SEZ6: variants seen among roughly 807,000 people sequenced by gnomAD.
SEZ6 encodes the protein seizure protein 6 homolog.
A neutral mutation model predicts 101.0 loss-of-function variants in SEZ6; 53 were observed. That is an observed-to-expected ratio of 0.52 (90% CI 0.42 to 0.66). SEZ6 has a LOEUF of 0.66. SEZ6 is among the 30% of genes least tolerant of loss of function. The pLI, the probability that SEZ6 is intolerant of heterozygous loss-of-function variation, is 0.00. For missense variants in SEZ6, 1,102 were observed against 1,289.4 expected, an observed-to-expected ratio of 0.85 and a Z score of 2.23; for synonymous variants, 488 against 512.2, an observed-to-expected ratio of 0.95 and a Z score of 0.64.
intron 1 of SEZ6, among the ~76,000 whole-genome samples, chr17:28,985,989 T>C (rs1016206970): frequency 6.6e-6 from 1 of 152,014 alleles, no homozygotes; most frequent in Admixed American, 6.5e-5. Flanking sequence ...GTGGGCTGGG[T>C]CCGGGAAACA....
chr17:28,957,647 T>TA (rs2152683045), intron 11 of SEZ6, 108 bp from the exon 12 acceptor site: 4 of 1,202,904 alleles, frequency 3.3e-6, no homozygotes, highest in African/African-American at 3.0e-5. Context: ...CGTATGGGTC[T>TA]ACCCCCTACG....
At chr17:28,997,910 C>A (rs987746764) in intron 1 of SEZ6, among the ~76,000 whole-genome samples, 5 of 152,094 alleles carry the variant, frequency 3.3e-5, no homozygotes, top group African/African-American at 9.7e-5. Flanking sequence ...AGGACTCCCC[C>A]CTCCTCCTTG....
Position 28,957,119 on chromosome 17 carries a change from T to G in SEZ6, c.2618A>C (p.Lys873Thr). 1 of 1,613,880 alleles carries G rather than the reference T, an allele frequency of 6.2e-7. No individual in the cohort carries two copies. Among genetic ancestry groups the G allele is most frequent in the South Asian group, 1.1e-5 (1 of 91,076 alleles). Reference protein sequence around the residue: ...HFSCAPGYVLKGQASIKCVPG... With the variant: ...HFSCAPGYVLTGQASIKCVPG... ...CACACACTTGATGCTGGCCTGGCCC[T>G]TCAGCACATAGCCAGGGGCACACGA... is the stretch of plus-strand genomic sequence containing the variant. Residue 873 changes from lysine (K) to threonine (T), a missense_variant, in exon 13 of 17, where the codon AAG (lysine) becomes ACG (threonine). Lys to Thr is a moderately conservative substitution (Grantham distance 78, BLOSUM62 -1). Around this residue, in one of 3 missense-constraint regions of SEZ6, gnomAD observed 556 missense variants for 735.1 expected, o/e 0.76. Transcript: ENST00000317338.
At position 28,959,136 on chromosome 17, in the gene SEZ6, G is replaced by T. The variant is rs749356911; in HGVS notation, c.1996C>A (p.Arg666Ser). 6.2e-7 allele frequency: 1 copy of T among 1,613,870 alleles called. No homozygotes were observed. The highest frequency in any genetic ancestry group is 1.7e-5 in the Admixed American group (1 of 60,002). The change falls in exon 10 of 17, where the codon CGT becomes AGT. Residue 666 changes from arginine to serine, a missense_variant. Coordinates refer to ENST00000317338, the MANE Select transcript of SEZ6 (RefSeq NM_178860.5). This position sits in a 1 kb window ranked among gnomAD's most constrained non-coding sequence, Gnocchi z 4.4. ...ARVLGQYSGP[R>S]SHFKLFTSMA... is the part of the protein sequence containing the mutation. Reference sequence around the variant, plus strand: ...GAGGTAAAGAGCTTGAAGTGGCTACGGGGCCCTGAGTACTGGCCCAGAACC... The same window carrying T: ...GAGGTAAAGAGCTTGAAGTGGCTACTGGGCCCTGAGTACTGGCCCAGAACC...
chr17:28,985,622 G>C (rs964740038), intron 1 of SEZ6, among the ~76,000 whole-genome samples: 4 of 152,210 alleles, frequency 2.6e-5, no homozygotes, highest in African/African-American at 7.2e-5. Context: ...CACAGTCAGA[G>C]GTTAGGCAGC....
rs1254065501 is a variant in SEZ6, at chr17:28,960,630, A to G, written c.1451T>C (p.Val484Ala). ...RNGDNVEAPP[V>A]YDSYEVEYLP... ...GTATTCCACCTCATAGGAATCATACACTGGTGGGGCCTCCACGTTGTCCCC... is the reference window on the plus strand; with the variant it reads ...GTATTCCACCTCATAGGAATCATACGCTGGTGGGGCCTCCACGTTGTCCCC... The change falls in exon 7 of 17, where the codon GTG becomes GCG. Residue 484 changes from valine to alanine, a missense_variant. Physicochemically the swap from Val to Ala is moderately conservative, Grantham distance 64. This residue lies in a region of SEZ6 where 556 missense variants were observed against 735.1 expected (regional missense o/e 0.76). Coordinates refer to ENST00000317338, the MANE Select transcript of SEZ6 (RefSeq NM_178860.5). 4 of 1,595,686 alleles carry G rather than the reference A, an allele frequency of 2.5e-6. No homozygotes were observed. The highest frequency in any genetic ancestry group is 1.3e-5 in the African/African-American group (1 of 74,474).
intron 5 of SEZ6, among the ~76,000 whole-genome samples, chr17:28,963,097 C>T (rs2041009340): frequency 6.6e-6 from 1 of 150,526 alleles, no homozygotes; most frequent in African/African-American, 2.5e-5. Context: ...GCAGTCTGGC[C>T]TGGGTGAAAG....
At chr17:28,996,369 C>A (rs1251272332) in intron 1 of SEZ6, among the ~76,000 whole-genome samples, 1 of 152,130 alleles carries the variant, frequency 6.6e-6, no homozygotes, top group Non-Finnish European at 1.5e-5. Context: ...ATCCCAGGCA[C>A]CTTTTGCCTG....
At chr17:28,965,585 A>T (rs1248080829) in intron 4 of SEZ6, among the ~76,000 whole-genome samples, 1 of 151,266 alleles carries the variant, frequency 6.6e-6, no homozygotes, top group Non-Finnish European at 1.5e-5. Context: ...GCTGCAGTGA[A>T]CTATGATTGC....
At position 29,005,652 on chromosome 17, in the gene SEZ6, C is replaced by G. The variant is rs980785325; in HGVS notation, c.55+163G>C. Among the ~76,000 whole-genome samples the G allele has an allele frequency of 6.6e-6, 1 of 151,170 alleles. No individual in the cohort carries two copies. The highest frequency in any genetic ancestry group is 1.5e-5 in the Non-Finnish European group (1 of 67,710). ...GCGGCAGCTTCCCGCCCGCGAAGCCCGCGCCCCGCCCGGCTTGGCCGGCGC... is the reference window on the plus strand; with the variant it reads ...GCGGCAGCTTCCCGCCCGCGAAGCCGGCGCCCCGCCCGGCTTGGCCGGCGC... On this transcript the variant is annotated intron_variant, in intron 1 of 16. Transcript: ENST00000317338. The surrounding 1 kb of genome is among the most constrained non-coding windows in gnomAD (Gnocchi z 4.8).
chr17:29,005,081 GT>G lies in SEZ6; in HGVS notation c.55+733del, dbSNP rs2041668673. Among the ~76,000 whole-genome samples, 3 of 16,558 alleles carry G rather than the reference GT, an allele frequency of 1.8e-4. No individual in the cohort carries two copies. Among genetic ancestry groups the G allele is most frequent in the African/African-American group, 4.0e-4 (3 of 7,490 alleles). 10.9% of individuals were successfully genotyped at this position (16,558 alleles called of 152,430 possible). ...GGGAGGCAGAGCTCGGGGCAGTGGT[GT>G]GTGTGTGTGTGTGTGTGTGTGTGTG... On this transcript the variant is annotated intron_variant, in intron 1 of 16. Transcript: ENST00000317338. The surrounding 1 kb of genome is among the most constrained non-coding windows in gnomAD (Gnocchi z 4.8).
intron 3 of SEZ6, among the ~76,000 whole-genome samples, chr17:28,972,006 C>T (rs146992260): frequency 1.3e-5 from 2 of 152,386 alleles, no homozygotes; most frequent in African/African-American, 2.4e-5. Flanking sequence ...TCTCTGCGGC[C>T]CTCATTAACG....
Position 28,955,011 on chromosome 17 carries a change from T to G in SEZ6, c.*951A>C, listed in dbSNP as rs377378587. The stretch of plus-strand genomic sequence containing the variant: ...GGAGCCCAGACCCCATATAATACAT[T>G]ACATGTACAAAGTGGCTTTCAGCCA... On this transcript the variant is annotated 3_prime_UTR_variant, in exon 17 of 17. Coordinates refer to ENST00000317338, the MANE Select transcript of SEZ6 (RefSeq NM_178860.5). The G allele has an allele frequency of 6.7e-6, 1 of 150,080 alleles. No individual in the cohort carries two copies. Among genetic ancestry groups the G allele is most frequent in the Non-Finnish European group, 1.5e-5 (1 of 67,816 alleles). The allele number at this position is 150,080 out of a possible 1,614,324, so 9.3% of individuals were successfully genotyped here.
chr17:28,959,778 G>A lies in SEZ6; in HGVS notation c.1691C>T (p.Thr564Ile). The A allele has an allele frequency of 6.2e-7, 1 of 1,613,810 alleles. No individual in the cohort carries two copies. Among genetic ancestry groups the A allele is most frequent in the Non-Finnish European group, 8.5e-7 (1 of 1,179,804 alleles). Residue 564 changes from threonine to isoleucine, a missense_variant, in exon 8 of 17, where the codon ACC becomes ATC. This residue lies in a region of SEZ6 where 556 missense variants were observed against 735.1 expected (regional missense o/e 0.76). Coordinates refer to ENST00000317338, the MANE Select transcript of SEZ6 (RefSeq NM_178860.5). This position sits in a 1 kb window ranked among gnomAD's most constrained non-coding sequence, Gnocchi z 4.4. Reference protein sequence around the residue: ...TVEFSCDPGYTLEQGSIIIEC... With the variant: ...TVEFSCDPGYILEQGSIIIEC... ...GATGATGATGGAGCCCTGCTCCAGGGTGTAGCCAGGGTCGCAGCTGAACTC... is the reference window on the plus strand; with the variant it reads ...GATGATGATGGAGCCCTGCTCCAGGATGTAGCCAGGGTCGCAGCTGAACTC...
Position 28,980,055 on chromosome 17 carries a change from G to A in SEZ6, c.725-242C>T, listed in dbSNP as rs530030298. Among the ~76,000 whole-genome samples, 4 of 150,696 alleles carry A rather than the reference G, an allele frequency of 2.7e-5. No homozygotes were observed. In the South Asian group the frequency reaches 8.4e-4, roughly 32 times the overall value. On this transcript the variant is annotated intron_variant, in intron 2 of 16. Transcript: ENST00000317338. ...GTAGAGATGGGGTTTCACCATGTTA[G>A]CCAGGATAGTCTCCATCTCCTGACC...
intron 1 of SEZ6, among the ~76,000 whole-genome samples, chr17:28,984,576 C>G (rs2041352105): frequency 6.6e-6 from 1 of 152,226 alleles, no homozygotes; most frequent in Non-Finnish European, 1.5e-5. Flanking sequence ...ATGGGCACCT[C>G]CCATCACTGT....
chr17:28,973,433 G>A (rs1185625067), intron 3 of SEZ6, among the ~76,000 whole-genome samples: 1 of 152,204 alleles, frequency 6.6e-6, no homozygotes, highest in African/African-American at 2.4e-5. Flanking sequence ...GCTCCTAGCA[G>A]TCTGTAAAGC....
chr17:28,996,150 C>CACCCG (rs1314907822), intron 1 of SEZ6, among the ~76,000 whole-genome samples: 1 of 150,128 alleles, frequency 6.7e-6, no homozygotes, highest in East Asian at 2.1e-4. Context: ...ACAGCGGGTG[C>CACCCG]CTGTAGTCCC....
Position 28,973,098 on chromosome 17 carries a change from T to C in SEZ6, c.859-3146A>G, listed in dbSNP as rs974272535. ...GACAGAGTAACAACAGTTGCCATCA[T>C]AGAGTGTGTCAAGCCTTGTATTGTA... On this transcript the variant is annotated intron_variant, in intron 3 of 16. Transcript: ENST00000317338. Among the ~76,000 whole-genome samples the C allele has an allele frequency of 3.9e-5, 6 of 152,222 alleles. No individual in the cohort carries two copies. The South Asian group carries it at 1.0e-3, about 26-fold the overall frequency.
Sources: allele counts gnomAD v4.1 joint callset (sites outside exome capture counted in the v4.1 genomes callset), GRCh38; gene constraint gnomAD v4.1.1; regional missense constraint gnomAD v4.1.1; non-coding constraint Gnocchi (gnomAD v3.1); transcripts MANE v1.5; gene names NCBI Gene and HGNC (gene_info 2026-07-23, HGNC 2026-07-21).